HACD3: variants seen among roughly 807,000 people sequenced by gnomAD.
HACD3 encodes the protein 3-hydroxyacyl-CoA dehydratase 3.
HACD3 carries 30 observed loss-of-function variants against 55.2 expected under a neutral mutation model. The observed-to-expected ratio is 0.54, with a 90% CI of 0.41 to 0.74. The LOEUF is 0.74. HACD3 is among the 30% of genes least tolerant of loss of function. The pLI is 0.00. For missense variants in HACD3, 363 were observed against 440.1 expected (o/e 0.82, Z 1.57); for synonymous variants, 141 against 151.7 (o/e 0.93, Z 0.52).
At chr15:65,533,099 T>C (rs2071918503) in intron 1 of HACD3, among the ~76,000 whole-genome samples, 1 of 152,222 alleles carries the variant, frequency 6.6e-6, no homozygotes, top group Non-Finnish European at 1.5e-5. Context: ...AGGCATAGAC[T>C]TTTAGACACT....
chr15:65,533,021 G>A (rs1267036479), intron 1 of HACD3, among the ~76,000 whole-genome samples: 3 of 152,176 alleles, frequency 2.0e-5, no homozygotes, highest in African/African-American at 7.2e-5. Flanking sequence ...CATTTAGTTA[G>A]TGATGACTTC....
intron 1 of HACD3, among the ~76,000 whole-genome samples, chr15:65,546,689 C>T (rs1452255850): frequency 6.6e-6 from 1 of 152,210 alleles, no homozygotes; most frequent in African/African-American, 2.4e-5. Flanking sequence ...GATCTGCCTG[C>T]TTTGGCCTTC....
intron 1 of HACD3, among the ~76,000 whole-genome samples, chr15:65,532,428 C>T (rs959776565): frequency 2.6e-5 from 4 of 152,072 alleles, no homozygotes; most frequent in Admixed American, 1.3e-4. Flanking sequence ...GAGTTCGACA[C>T]CAGCCTGACC....
In HACD3 at chr15:65,555,036, G is replaced by A. The variant is rs112938317; in HGVS notation, c.204+76G>A. 19 of 1,149,052 alleles carry A rather than the reference G, an allele frequency of 1.7e-5. No individual in the cohort carries two copies. In the African/African-American group the frequency reaches 2.0e-4, roughly 12 times the overall value. The allele number at this position is 1,149,052 out of a possible 1,614,324, so 71.2% of individuals were successfully genotyped here. ...AGTAGTTTAGTGAAATGGGGAGCAG[G>A]GTTTGTGGAGAGAAGAAGATAAAAA... On this transcript the variant is annotated intron_variant, in intron 3 of 10. Transcript: ENST00000261875.
intron 2 of HACD3, chr15:65,551,936 C>G: frequency 2.4e-6 from 1 of 418,810 alleles, no homozygotes; most frequent in Non-Finnish European, 4.2e-6. Context: ...GCAGTAGATA[C>G]AGTGAAGGAA....
intron 2 of HACD3, 31 bp downstream of exon 2, chr15:65,551,749 A>G (rs1319975477): frequency 4.3e-6 from 7 of 1,611,148 alleles, no homozygotes; most frequent in Non-Finnish European, 5.9e-6. Flanking sequence ...TCCCATCTCT[A>G]TACACAGTTA....
At chr15:65,572,898 G>T (rs1335679193) in intron 10 of HACD3, among the ~76,000 whole-genome samples, 1 of 140,782 alleles carries the variant, frequency 7.1e-6, no homozygotes, top group Non-Finnish European at 1.5e-5. Context: ...CTGGGCGACA[G>T]AGCGGGACTT....
Position 65,576,328 on chromosome 15 carries a change from T to C in HACD3, c.1038T>C (p.Leu346=). The change falls in exon 11 of 11, where the codon CTT becomes CTC. Residue 346 remains leucine (L), a synonymous_variant. Coordinates refer to ENST00000261875, the MANE Select transcript of HACD3 (RefSeq NM_016395.4). ...GTTTATACATAAATTTTCGTCACCT[T>C]TATAAACAGCGCAGACGGCGCTATG... The part of the protein sequence containing the change: ...FLGLYINFRH[L]YKQRRRRYGQ... 6.2e-7 allele frequency: 1 copy of C among 1,601,026 alleles called. No homozygotes were observed. The highest frequency in any genetic ancestry group is 1.7e-5 in the Admixed American group (1 of 57,312).
At chr15:65,573,293 T>TG (rs1192957930) in intron 10 of HACD3, among the ~76,000 whole-genome samples, 43 of 152,286 alleles carry the variant, frequency 2.8e-4, no homozygotes, top group African/African-American at 7.7e-4. Flanking sequence ...AAGGATTTTT[T>TG]TTTGTTGTTG....
At chr15:65,573,082 A>G (rs1461705592) in intron 10 of HACD3, among the ~76,000 whole-genome samples, 1 of 152,034 alleles carries the variant, frequency 6.6e-6, no homozygotes, top group Non-Finnish European at 1.5e-5. Flanking sequence ...GAAGAAGGGA[A>G]TAAAGGCCTC....
At chr15:65,563,695 G>A (rs918378320) in intron 6 of HACD3, among the ~76,000 whole-genome samples, 3 of 152,154 alleles carry the variant, frequency 2.0e-5, no homozygotes, top group Non-Finnish European at 4.4e-5. Context: ...AGGTGGCTGT[G>A]CGTGGTGGCT....
intron 5 of HACD3, among the ~76,000 whole-genome samples, chr15:65,561,427 C>A (rs956794033): frequency 1.3e-5 from 2 of 151,560 alleles, no homozygotes; most frequent in African/African-American, 2.4e-5. Flanking sequence ...GATTGTGCCA[C>A]TGCACTCCAG....
rs918697581 is a variant in HACD3, at chr15:65,575,311, C to T, written c.1013-992C>T. ...GAAGCAATTCTCTTGCCTCAGCCTC[C>T]GGAGTAGCTGGGATTACAGGCACCT... is the stretch of plus-strand genomic sequence containing the variant. On this transcript the variant is annotated intron_variant, in intron 10 of 10. Transcript: ENST00000261875. Among the ~76,000 whole-genome samples, 3 of 151,878 alleles carry T rather than the reference C, an allele frequency of 2.0e-5. 1 individual carries two copies. Among genetic ancestry groups the T allele is most frequent in the Admixed American group, 1.3e-4 (2 of 15,236 alleles).
At chr15:65,554,069 T>C (rs2072162556) in intron 2 of HACD3, among the ~76,000 whole-genome samples, 1 of 152,244 alleles carries the variant, frequency 6.6e-6, no homozygotes, top group Admixed American at 6.5e-5. Context: ...AGTCAGCTTC[T>C]GCCTTCATTC....
intron 10 of HACD3, 38 bp from the exon 11 acceptor site, chr15:65,576,263 CAA>C: frequency 1.3e-6 from 2 of 1,553,534 alleles, no homozygotes; most frequent in Non-Finnish European, 1.7e-6. Flanking sequence ...TATAAATAGA[CAA>C]AGACTCTAAT....
At chr15:65,536,397 C>T (rs2071955610) in intron 1 of HACD3, among the ~76,000 whole-genome samples, 1 of 152,132 alleles carries the variant, frequency 6.6e-6, no homozygotes, top group Non-Finnish European at 1.5e-5. Context: ...CTGGCCATTC[C>T]TCCATCTCTC....
intron 2 of HACD3, among the ~76,000 whole-genome samples, chr15:65,552,404 C>T (rs565861065): frequency 2.9e-3 from 447 of 152,256 alleles, no homozygotes; most frequent in Non-Finnish European, 4.5e-3. Flanking sequence ...GGCATGATTT[C>T]GGCTCACTGC....
intron 7 of HACD3, chr15:65,566,291 T>C: frequency 6.1e-6 from 1 of 164,428 alleles, no homozygotes; most frequent in Non-Finnish European, 1.3e-5. Context: ...TCGGGTATCT[T>C]TTCAGCAACA....
chr15:65,560,815 A>G (rs995472664), intron 5 of HACD3, among the ~76,000 whole-genome samples: 2 of 152,000 alleles, frequency 1.3e-5, no homozygotes, highest in African/African-American at 4.8e-5. Flanking sequence ...AAAAAAAAAA[A>G]AAAAGCCCGG....
Sources: gnomAD v4.1 joint callset for allele counts (sites outside exome capture counted in the v4.1 genomes callset) on GRCh38, gnomAD v4.1.1 for gene constraint, MANE v1.5 for transcripts, NCBI Gene and HGNC (gene_info 2026-07-23, HGNC 2026-07-21) for gene names.